The following CA8 variants were observed in gnomAD, a reference collection of about 807,000 sequenced individuals.
CA8 encodes carbonic anhydrase-related protein.
CA8 carries 22 observed loss-of-function variants against 41.4 expected under a neutral mutation model. The ratio of observed to expected loss-of-function variants is 0.53; its 90% CI spans 0.38 to 0.76. The LOEUF is 0.76. Among genes scored for constraint, CA8 ranks in the 30% least tolerant of loss-of-function variants. The probability of loss-of-function intolerance (pLI) is 0.00; values close to 1 mark genes in which losing one functional copy is unlikely to be tolerated. For synonymous variants in CA8, 121 were observed against 130.6 expected, an observed-to-expected ratio of 0.93 and a Z score of 0.50; for missense variants, 270 against 352.8, an observed-to-expected ratio of 0.77 and a Z score of 1.88.
rs186192210 is a variant in CA8 at position 60,223,986 on chromosome 8, G to A, written c.625+551C>T. On this transcript the variant is annotated intron_variant, in intron 6 of 8. Coordinates refer to ENST00000317995, the MANE Select transcript of CA8 (RefSeq NM_004056.6). Reference sequence around the variant, plus strand: ...CATAATAATAGTATTACTGCAGAGAGGTAACCTTATAAAATTAGATACAAA... The same window carrying A: ...CATAATAATAGTATTACTGCAGAGAAGTAACCTTATAAAATTAGATACAAA... 1.5e-3 allele frequency among the ~76,000 whole-genome samples: 224 copies of A among 152,246 alleles called. 1 individual carries two copies. The highest frequency in any genetic ancestry group is 2.8e-3 in the Non-Finnish European group (189 of 68,000).
chr8:60,238,927 G>A (rs1383787288), intron 3 of CA8, among the ~76,000 whole-genome samples: 1 of 152,134 alleles, frequency 6.6e-6, no homozygotes, highest in African/African-American at 2.4e-5. Context: ...ACAGAAAGAT[G>A]GAGGCTGGAG....
chr8:60,281,049 T>G lies in CA8; in HGVS notation c.99A>C (p.Glu33Asp). Residue 33 changes from glutamate to aspartate, a missense_variant and splice_region_variant, in exon 1 of 9, where the codon GAA (glutamate) becomes GAC (aspartate). Around this residue, in one of 3 missense-constraint regions of CA8, gnomAD observed 123 missense variants for 136.8 expected, o/e 0.90. Transcript: ENST00000317995. Reference sequence around the variant, plus strand: ...ACACCCCGACTCGCGGCCACTTACCTTCCTCGTAGCCCCACTCCACACCCT... The same window carrying G: ...ACACCCCGACTCGCGGCCACTTACCGTCCTCGTAGCCCCACTCCACACCCT... ...EEEGVEWGYE[E>D]GVEWGLVFPD... 6.2e-7 allele frequency: 1 copy of G among 1,608,198 alleles called. No homozygotes were observed. The highest frequency in any genetic ancestry group is 8.5e-7 in the Non-Finnish European group (1 of 1,177,006).
intron 8 of CA8, among the ~76,000 whole-genome samples, chr8:60,192,977 C>CA (rs1806178977): frequency 8.7e-6 from 1 of 115,298 alleles, no homozygotes; most frequent in African/African-American, 3.3e-5. Flanking sequence ...ACACACACAC[C>CA]CCACCCCATA....
chr8:60,261,432 T>A (rs1803729839), intron 3 of CA8, among the ~76,000 whole-genome samples: 1 of 152,136 alleles, frequency 6.6e-6, no homozygotes, highest in Non-Finnish European at 1.5e-5. Flanking sequence ...CACTCTTCAA[T>A]CATAGCTTTT....
chr8:60,203,031 T>C (rs898943443), intron 8 of CA8, among the ~76,000 whole-genome samples: 1 of 151,900 alleles, frequency 6.6e-6, no homozygotes, highest in Non-Finnish European at 1.5e-5. Flanking sequence ...AAAAAAATAA[T>C]AATTTAAAAC....
intron 5 of CA8, 57 bp downstream of exon 5, chr8:60,226,816 G>A (rs1294891765): frequency 1.7e-5 from 17 of 986,688 alleles, no homozygotes; most frequent in African/African-American, 3.2e-5. Flanking sequence ...CCCGCAGGTG[G>A]TCACAGGGAG....
intron 8 of CA8, among the ~76,000 whole-genome samples, chr8:60,201,791 C>T (rs1415745610): frequency 1.3e-5 from 2 of 152,074 alleles, no homozygotes; most frequent in Non-Finnish European, 2.9e-5. Flanking sequence ...AGATGAGGCT[C>T]TAGATTGGTC....
chr8:60,216,088 A>G (rs1185340586), intron 7 of CA8, among the ~76,000 whole-genome samples: 2 of 152,174 alleles, frequency 1.3e-5, no homozygotes, highest in African/African-American at 4.8e-5. Context: ...GCTATGTTAT[A>G]TGTCAAGCAT....
At chr8:60,229,605 C>T (rs1220890972) in intron 4 of CA8, among the ~76,000 whole-genome samples, 1 of 152,204 alleles carries the variant, frequency 6.6e-6, no homozygotes, top group Non-Finnish European at 1.5e-5. Context: ...TGGCCTTCTG[C>T]CCCATTCCAC....
At chr8:60,248,308 C>T (rs915612039) in intron 3 of CA8, among the ~76,000 whole-genome samples, 3 of 152,022 alleles carry the variant, frequency 2.0e-5, no homozygotes, top group African/African-American at 4.8e-5. Context: ...TTGGTGTTTC[C>T]GTCACGAAAT....
At chr8:60,225,490 A>G (rs973756141) in intron 5 of CA8, among the ~76,000 whole-genome samples, 4 of 152,224 alleles carry the variant, frequency 2.6e-5, no homozygotes, top group Non-Finnish European at 2.9e-5. Context: ...TTGTACAAAT[A>G]TAAGTCAAAA....
chr8:60,221,309 C>A (rs1807238087), intron 7 of CA8, among the ~76,000 whole-genome samples: 1 of 152,204 alleles, frequency 6.6e-6, no homozygotes, highest in African/African-American at 2.4e-5. Context: ...ATTTAGTCAT[C>A]TGCCTCCCCA....
intron 2 of CA8, among the ~76,000 whole-genome samples, chr8:60,277,931 G>T (rs538322276): frequency 2.0e-5 from 3 of 152,144 alleles, no homozygotes; most frequent in Non-Finnish European, 4.4e-5. Context: ...AGGAAAAAAG[G>T]GTTCTGGATC....
At chr8:60,219,177 TA>T in intron 7 of CA8, among the ~76,000 whole-genome samples, 1 of 151,610 alleles carries the variant, frequency 6.6e-6, no homozygotes, top group East Asian at 1.9e-4. Flanking sequence ...TTTTTTTTTT[TA>T]GACGGAGTCT....
rs1554573722 is a variant in CA8, at chr8:60,190,957, T to TATATATATATATATATATATACACACAC, written c.*36-973_*36-972insGTGTGTGTATATATATATATATATATAT. 7.5e-3 allele frequency among the ~76,000 whole-genome samples: 778 copies of TATATATATATATATATATATACACACAC among 103,864 alleles called. 9 individuals carry two copies. The highest frequency in any genetic ancestry group is 0.019 in the African/African-American group (538 of 28,890). 68.1% of individuals were successfully genotyped at this position (103,864 alleles called of 152,430 possible). A position where few individuals can be genotyped will look rare whatever the true frequency, so the allele number is the denominator to read the frequency against. On this transcript the variant is annotated intron_variant, in intron 8 of 8. Transcript: ENST00000317995. The stretch of plus-strand genomic sequence containing the variant: ...CACACACTATATATATATATATATA[T>TATATATATATATATATATATACACACAC]ACACACACACATTTCTACATATGCA...
At chr8:60,193,634 C>G (rs1228540674) in intron 8 of CA8, among the ~76,000 whole-genome samples, 1 of 152,198 alleles carries the variant, frequency 6.6e-6, no homozygotes, top group Non-Finnish European at 1.5e-5. Context: ...GCCTTAGCTT[C>G]CAGCGTTGCT....
intron 7 of CA8, among the ~76,000 whole-genome samples, chr8:60,218,295 C>A (rs897382283): frequency 1.3e-5 from 2 of 151,160 alleles, no homozygotes; most frequent in African/African-American, 4.9e-5. Context: ...CTGGACACAG[C>A]AAATGACTGG....
chr8:60,204,532 G>C (rs1375478909), intron 8 of CA8, among the ~76,000 whole-genome samples: 1 of 152,166 alleles, frequency 6.6e-6, no homozygotes, highest in African/African-American at 2.4e-5. Flanking sequence ...ATCTTGAAGA[G>C]AGCTCATACA....
chr8:60,188,975 A>T lies in CA8; in HGVS notation c.*1046T>A, dbSNP rs1470521378. 6.6e-6 allele frequency: 1 copy of T among 152,162 alleles called. No individual in the cohort carries two copies. The highest frequency in any genetic ancestry group is 2.4e-5 in the African/African-American group (1 of 41,458). The allele number at this position is 152,162 out of a possible 1,614,324, so 9.4% of individuals were successfully genotyped here. ...TGAAGTCATTCATTTTACAATTATA[A>T]CAACAATAACAATAATATTTATTGT... On this transcript the variant is annotated 3_prime_UTR_variant, in exon 9 of 9. Transcript: ENST00000317995.
Sources: allele counts gnomAD v4.1 joint callset (sites outside exome capture counted in the v4.1 genomes callset), GRCh38; gene constraint gnomAD v4.1.1; regional missense constraint gnomAD v4.1.1; transcripts MANE v1.5; gene names NCBI Gene and HGNC (gene_info 2026-07-23, HGNC 2026-07-21).